PFKM: variants seen among roughly 807,000 people sequenced by gnomAD.
PFKM encodes the protein phosphofructokinase, muscle.
In PFKM, 58 loss-of-function variants were observed where a neutral mutation model predicts 95.5. The observed-to-expected ratio is 0.61, with a 90% CI of 0.49 to 0.76. The LOEUF is 0.76. PFKM is among the 30% of genes least tolerant of loss of function. The pLI, the probability that PFKM is intolerant of heterozygous loss-of-function variation, is 0.00. For synonymous variants in PFKM, 336 were observed against 357.2 expected, an observed-to-expected ratio of 0.94 and a Z score of 0.67; for missense variants, 678 against 1,005.4, an observed-to-expected ratio of 0.67 and a Z score of 4.40.
In PFKM at chr12:48,145,499, A is replaced by G; in HGVS notation, c.2199-65A>G. The G allele has an allele frequency of 6.3e-7, 1 of 1,586,484 alleles. No individual in the cohort carries two copies. The highest frequency in any genetic ancestry group is 1.7e-5 in the Admixed American group (1 of 59,754). On this transcript the variant is annotated intron_variant, in intron 22 of 22. Transcript: ENST00000359794. This position sits in a 1 kb window ranked among gnomAD's most constrained non-coding sequence, Gnocchi z 4.3. Reference sequence around the variant, plus strand: ...TCTTCTGTCTAACTTCTTCCTATAAACCTTTGGTAGAAGTTGATTGGGGTG... The same window carrying G: ...TCTTCTGTCTAACTTCTTCCTATAAGCCTTTGGTAGAAGTTGATTGGGGTG...
intron 3 of PFKM, among the ~76,000 whole-genome samples, chr12:48,112,044 G>A (rs1291373551): frequency 1.3e-5 from 2 of 152,278 alleles, no homozygotes; most frequent in Non-Finnish European, 1.5e-5. Flanking sequence ...GTAAGGTCAA[G>A]TCATTTGGAT....
chr12:48,135,663 G>A (rs924338415), intron 10 of PFKM, among the ~76,000 whole-genome samples: 18 of 152,208 alleles, frequency 1.2e-4, no homozygotes, highest in African/African-American at 4.3e-4. Flanking sequence ...TGAGATAATT[G>A]TAGATTCACA....
chr12:48,132,357 A>G lies in PFKM; in HGVS notation c.238-511A>G, dbSNP rs146865972. Reference sequence around the variant, plus strand: ...TATTGCAGCTTCTGCTGCTAGCACCATGGATTGCAAGGAGCTAAGGGGAAA... The same window carrying G: ...TATTGCAGCTTCTGCTGCTAGCACCGTGGATTGCAAGGAGCTAAGGGGAAA... On this transcript the variant is annotated intron_variant, in intron 4 of 22. Transcript: ENST00000359794. 3.0e-3 allele frequency: 886 copies of G among 295,516 alleles called. 5 individuals are homozygous for G. Among genetic ancestry groups the G allele is most frequent in the Non-Finnish European group, 4.4e-3 (671 of 152,360 alleles). 18.3% of individuals were successfully genotyped at this position (295,516 alleles called of 1,614,324 possible). A position where few individuals can be genotyped will look rare whatever the true frequency, so the allele number is the denominator to read the frequency against.
chr12:48,135,244 T>G, intron 9 of PFKM, 47 bp from the exon 10 acceptor site: 1 of 1,502,780 alleles, frequency 6.7e-7, no homozygotes, highest in African/African-American at 1.4e-5. Context: ...GTTTTCTTCC[T>G]TTGACTCTGC....
At chr12:48,131,427 C>T in intron 4 of PFKM, 34 bp downstream of exon 4, 1 of 1,472,344 alleles carries the variant, frequency 6.8e-7, no homozygotes. Flanking sequence ...CCCATATTTG[C>T]TCTGTCCTTG....
intron 4 of PFKM, chr12:48,132,332 T>C (rs1949592976): frequency 6.8e-6 from 2 of 292,574 alleles, no homozygotes; most frequent in Non-Finnish European, 1.3e-5. Flanking sequence ...AATACCTGGA[T>C]ATTGCAGCTT....
intron 3 of PFKM, among the ~76,000 whole-genome samples, chr12:48,110,277 G>A (rs1277189193): frequency 6.6e-6 from 1 of 152,178 alleles, no homozygotes; most frequent in African/African-American, 2.4e-5. Context: ...GCGGGAGAGT[G>A]AACTGTACAG....
intron 11 of PFKM, among the ~76,000 whole-genome samples, chr12:48,138,612 GCAGGAAT>G (rs1368585179): frequency 6.6e-6 from 1 of 152,204 alleles, no homozygotes; most frequent in African/African-American, 2.4e-5. Context: ...GAAGCACACA[GCAGGAAT>G]CAGTCCTTCC....
At chr12:48,139,718 C>T in intron 12 of PFKM, 131 bp from the exon 13 acceptor site, 1 of 730,888 alleles carries the variant, frequency 1.4e-6, no homozygotes, top group Middle Eastern at 3.3e-4. Flanking sequence ...CCTGCTCTGC[C>T]CCAGTTCTGT....
intron 7 of PFKM, 71 bp downstream of exon 7, chr12:48,134,347 CAG>C: frequency 9.9e-6 from 13 of 1,307,298 alleles, no homozygotes; most frequent in Non-Finnish European, 1.4e-5. Context: ...CCAGAGAGTC[CAG>C]TGAGGTCTCT....
chr12:48,107,287 G>A, intron 1 of PFKM: 3 of 871,548 alleles, frequency 3.4e-6, no homozygotes, highest in Non-Finnish European at 5.8e-6. Context: ...AGTCATGAGT[G>A]TAGCTGGTCC....
chr12:48,136,692 C>CTTTT (rs1166389532), intron 10 of PFKM, among the ~76,000 whole-genome samples: 9 of 63,018 alleles, frequency 1.4e-4, no homozygotes, highest in African/African-American at 3.8e-4. Context: ...GGGGTCGTCA[C>CTTTT]TTTTTTTTTT....
chr12:48,107,446 CAG>C lies in PFKM; in HGVS notation c.77_78del (p.Arg26AsnfsTer30), dbSNP rs1565832515. Reference sequence around the variant, plus strand: ...GTCTCGCCAGTTAGTCAGGACTCCTCAGAGAACAGGTACCCTTGTCTCCTGAT... The same window carrying C: ...GTCTCGCCAGTTAGTCAGGACTCCTCAGAACAGGTACCCTTGTCTCCTGAT... On this transcript the variant is annotated frameshift_variant, in exon 2 of 25. Coordinates refer to the PFKM transcript ENST00000340802. LOFTEE classifies it high-confidence loss of function. 1.9e-6 allele frequency: 3 copies of C among 1,591,420 alleles called. No individual in the cohort carries two copies. The highest frequency in any genetic ancestry group is 3.3e-5 in the Admixed American group (2 of 60,008).
At chr12:48,110,201 G>A (rs779534124) in intron 3 of PFKM, among the ~76,000 whole-genome samples, 3 of 152,132 alleles carry the variant, frequency 2.0e-5, no homozygotes, top group Admixed American at 6.6e-5. Context: ...TCCAGAAAAG[G>A]GGACAATAGG....
intron 2 of PFKM, 116 bp downstream of exon 2, chr12:48,122,975 A>G: frequency 9.7e-7 from 1 of 1,025,648 alleles, no homozygotes; most frequent in Non-Finnish European, 1.5e-6. Context: ...GGGCTTTGCT[A>G]AAAATTTCTG....
chr12:48,133,314 G>A lies in PFKM; in HGVS notation c.428-1G>A. On this transcript the variant is annotated splice_acceptor_variant, in intron 5 of 22. Coordinates refer to ENST00000359794, the MANE Select transcript of PFKM (RefSeq NM_000289.6). LOFTEE classifies it high-confidence loss of function. ...GCTCCTGGTTTGCTTCTCATTGTCA[G>A]GTAAGATCACAGATGAGGAGGCTAC... 1 of 1,613,970 alleles carries A rather than the reference G, an allele frequency of 6.2e-7. No homozygotes were observed. The highest frequency in any genetic ancestry group is 8.5e-7 in the Non-Finnish European group (1 of 1,179,882).
intron 18 of PFKM, among the ~76,000 whole-genome samples, chr12:48,143,547 TC>T (rs1220780866): frequency 2.6e-5 from 4 of 152,232 alleles, no homozygotes; most frequent in African/African-American, 9.6e-5. Flanking sequence ...TGCTCCCTCT[TC>T]CAGTTCTGTC....
intron 1 of PFKM, 112 bp downstream of exon 1, chr12:48,119,518 G>A (rs1020313378): frequency 3.5e-6 from 2 of 575,168 alleles, no homozygotes; most frequent in Non-Finnish European, 2.2e-6. Context: ...AGGAAAAGAA[G>A]AGATACGGCA....
chr12:48,141,801 G>C lies in PFKM; in HGVS notation c.1474G>C (p.Gly492Arg). The C allele has an allele frequency of 6.2e-7, 1 of 1,613,852 alleles. No homozygotes were observed. The highest frequency in any genetic ancestry group is 8.5e-7 in the Non-Finnish European group (1 of 1,179,890). The change falls in exon 16 of 23, where the codon GGC (glycine) becomes CGC (arginine). Residue 492 changes from glycine to arginine, a missense_variant. Physicochemically the swap from Gly to Arg is moderately radical, Grantham distance 125. Coordinates refer to ENST00000359794, the MANE Select transcript of PFKM (RefSeq NM_000289.6). ...CAATATAACTAAGTTTAACATTCAG[G>C]GCCTTGTCATCATTGGGGGCTTTGA... is the stretch of plus-strand genomic sequence containing the variant. ...SANITKFNIQGLVIIGGFEAY... is the reference protein window; with the variant it reads ...SANITKFNIQRLVIIGGFEAY...
Sources: gnomAD v4.1 joint callset for allele counts (sites outside exome capture counted in the v4.1 genomes callset) on GRCh38, gnomAD v4.1.1 for gene constraint, Gnocchi (gnomAD v3.1) non-coding constraint, MANE v1.5 for transcripts, NCBI Gene and HGNC (gene_info 2026-07-23, HGNC 2026-07-21) for gene names.